DNAH8: variants seen among roughly 807,000 people sequenced by gnomAD.
The protein encoded by DNAH8 is axonemal beta dynein heavy chain 8.
DNAH8 carries 382 observed loss-of-function variants against 562.1 expected under a neutral mutation model. The ratio of observed to expected loss-of-function variants is 0.68; its 90% CI spans 0.63 to 0.74. The LOEUF (loss-of-function observed/expected upper bound fraction) is 0.74. Ranked by LOEUF, DNAH8 falls within the 30% of genes least tolerant of loss-of-function variation. The pLI is 0.00. For missense variants in DNAH8, 5,203 were observed against 5,620.4 expected (o/e 0.93, Z 2.37); for synonymous variants, 1,881 against 1,919.4 (o/e 0.98, Z 0.52).
chr6:38,929,364 T>A (rs564759833), intron 74 of DNAH8, 147 bp from the exon 75 acceptor site: 25 of 756,082 alleles, frequency 3.3e-5, no homozygotes, highest in Non-Finnish European at 4.7e-5. Flanking sequence ...GAAATTAATT[T>A]TTGTATGTTA....
chr6:38,974,622 C>A (rs2150697080), intron 85 of DNAH8, 93 bp downstream of exon 85: 2 of 953,144 alleles, frequency 2.1e-6, no homozygotes, highest in East Asian at 2.4e-5. Flanking sequence ...CTATCCGTTG[C>A]CGCTCTGTCT....
At chr6:38,756,315 T>G (rs913871468) in intron 10 of DNAH8, among the ~76,000 whole-genome samples, 10 of 152,112 alleles carry the variant, frequency 6.6e-5, no homozygotes, top group Non-Finnish European at 2.9e-5. Context: ...ATGTGCCTGG[T>G]GGTTTTTTAA....
intron 49 of DNAH8, among the ~76,000 whole-genome samples, chr6:38,872,164 C>G (rs192746064): frequency 6.6e-6 from 1 of 152,292 alleles, no homozygotes; most frequent in African/African-American, 2.4e-5. Flanking sequence ...TTGCTGCTTT[C>G]CACCACTAAG....
intron 35 of DNAH8, 44 bp from the exon 36 acceptor site, chr6:38,845,530 G>T (rs545757180): frequency 5.4e-6 from 8 of 1,492,152 alleles, no homozygotes; most frequent in South Asian, 1.2e-5. Context: ...CACTTAATTT[G>T]TAGTTGAAAA....
intron 41 of DNAH8, among the ~76,000 whole-genome samples, chr6:38,854,388 G>T (rs1217957236): frequency 2.0e-5 from 3 of 152,060 alleles, no homozygotes; most frequent in African/African-American, 2.4e-5. Flanking sequence ...TGCCCAAATG[G>T]TATTTCTTCT....
chr6:38,982,976 C>A (rs1225466201), intron 86 of DNAH8, among the ~76,000 whole-genome samples: 1 of 152,086 alleles, frequency 6.6e-6, no homozygotes, highest in South Asian at 2.1e-4. Flanking sequence ...CCTGTGAGAT[C>A]AATAAAAAAG....
In DNAH8 at chr6:39,002,898, A is replaced by AGT. The variant is rs1765578159; in HGVS notation, c.13215-5916_13215-5915insGT. ...GAAAGTTCTGTATGTGAAGCATGAC[A>AGT]CCTTATGCATTTATCATGGCATGAC... On this transcript the variant is annotated intron_variant, in intron 88 of 92. Transcript: ENST00000327475. Among the ~76,000 whole-genome samples the AGT allele has an allele frequency of 3.9e-5, 6 of 152,198 alleles. No individual in the cohort carries two copies. The South Asian group carries it at 1.2e-3, about 32-fold the overall frequency.
chr6:39,002,843 A>C (rs1366619472), intron 88 of DNAH8, among the ~76,000 whole-genome samples: 1 of 152,218 alleles, frequency 6.6e-6, no homozygotes, highest in Admixed American at 6.5e-5. Flanking sequence ...TAGATCTGAT[A>C]CTAGGACCCT....
chr6:38,789,938 G>A (rs376595089), intron 19 of DNAH8, 55 bp downstream of exon 19: 260 of 1,376,672 alleles, frequency 1.9e-4, no homozygotes, highest in Non-Finnish European at 2.5e-4. Flanking sequence ...ATTAGATTTC[G>A]GTTCTATAAA....
chr6:38,842,072 A>G (rs1209051777), intron 33 of DNAH8, among the ~76,000 whole-genome samples: 1 of 152,230 alleles, frequency 6.6e-6, no homozygotes, highest in African/African-American at 2.4e-5. Context: ...AATGATTGGT[A>G]TAGTAAGTTT....
intron 1 of DNAH8, among the ~76,000 whole-genome samples, chr6:38,715,960 A>ATTTTTTTTTTTTTTTTTTT (rs869120118): frequency 4.2e-5 from 1 of 23,634 alleles, no homozygotes; most frequent in African/African-American, 3.6e-4. Flanking sequence ...ATATATATAT[A>ATTTTTTTTTTTTTTTTTTT]TTTTTTTTTT....
intron 52 of DNAH8, among the ~76,000 whole-genome samples, chr6:38,874,086 T>TTC (rs1777742166): frequency 1.6e-5 from 2 of 125,294 alleles, no homozygotes; most frequent in African/African-American, 5.9e-5. Flanking sequence ...CTTTCTTTCT[T>TTC]TCTTTCTTTC....
At chr6:39,010,820 C>CAT (rs1554163118) in intron 89 of DNAH8, among the ~76,000 whole-genome samples, 1 of 132,760 alleles carries the variant, frequency 7.5e-6, no homozygotes, top group Admixed American at 8.1e-5. Flanking sequence ...CACACACACA[C>CAT]GTATGTATGT....
chr6:39,013,859 A>AGT (rs1374740499), intron 91 of DNAH8, among the ~76,000 whole-genome samples: 1 of 109,210 alleles, frequency 9.2e-6, no homozygotes, highest in Non-Finnish European at 2.0e-5. Context: ...TAAAAAAGAG[A>AGT]GAGAGAGAGA....
chr6:38,845,559 G>A lies in DNAH8; in HGVS notation c.4846-15G>A, dbSNP rs1450161969. ...TTGAAAACATCATGACATATACTTT[G>A]CTTTTCCTTCAAAGGATATTTGCAT... On this transcript the variant is annotated splice_polypyrimidine_tract_variant and intron_variant, in intron 35 of 92. Coordinates refer to ENST00000327475, the MANE Select transcript of DNAH8 (RefSeq NM_001206927.2). The A allele has an allele frequency of 1.2e-6, 2 of 1,602,062 alleles. No homozygotes were observed.
At chr6:38,856,427 T>TA (rs1441788653) in intron 41 of DNAH8, among the ~76,000 whole-genome samples, 1 of 152,222 alleles carries the variant, frequency 6.6e-6, no homozygotes, top group Non-Finnish European at 1.5e-5. Context: ...TAGACATAAT[T>TA]ATGCAGTGGC....
intron 9 of DNAH8, 100 bp from the exon 10 acceptor site, chr6:38,755,872 A>G (rs1027386771): frequency 4.0e-5 from 29 of 718,300 alleles, no homozygotes; most frequent in Admixed American, 3.8e-4. Context: ...TAAAAATGCT[A>G]TACTATTTTG....
chr6:38,932,171 C>T (rs1456651863), intron 76 of DNAH8, among the ~76,000 whole-genome samples, 178 bp downstream of exon 76: 1 of 121,372 alleles, frequency 8.2e-6, no homozygotes, highest in African/African-American at 2.8e-5. Context: ...CTCATCTTCT[C>T]ATCCAGCCTG....
rs182501331 is a variant in DNAH8 at position 38,845,382 on chromosome 6, G to A, written c.4846-192G>A. Among the ~76,000 whole-genome samples the A allele has an allele frequency of 4.6e-5, 7 of 152,220 alleles. No homozygotes were observed. The East Asian group carries it at 1.4e-3, about 29-fold the overall frequency. On this transcript the variant is annotated intron_variant, in intron 35 of 92. Coordinates refer to ENST00000327475, the MANE Select transcript of DNAH8 (RefSeq NM_001206927.2). ...AAAAATAATTAGTAGTCGGCGATTA[G>A]TAAATAATTAGTAAGGCTCTAGTGT...
Sources: allele counts gnomAD v4.1 joint callset (sites outside exome capture counted in the v4.1 genomes callset), GRCh38; gene constraint gnomAD v4.1.1; transcripts MANE v1.5; gene names NCBI Gene and HGNC (gene_info 2026-07-23, HGNC 2026-07-21).